TMEM117: variants seen among roughly 807,000 people sequenced by gnomAD.
The protein encoded by TMEM117 is transmembrane protein 117.
A neutral mutation model predicts 52.4 loss-of-function variants in TMEM117; 27 were observed. That is an observed-to-expected ratio of 0.51 (90% CI 0.38 to 0.71). The LOEUF (loss-of-function observed/expected upper bound fraction) is 0.71, where lower values mean the gene tolerates loss of function less well. Ranked by LOEUF, TMEM117 falls within the 30% of genes least tolerant of loss-of-function variation. The probability of loss-of-function intolerance (pLI) is 0.00; values close to 1 mark genes in which losing one functional copy is unlikely to be tolerated. For synonymous variants in TMEM117, 215 were observed against 206.3 expected (o/e 1.04, Z -0.36); for missense variants, 556 against 630.5 (o/e 0.88, Z 1.26).
intron 2 of TMEM117, among the ~76,000 whole-genome samples, chr12:43,898,333 G>C (rs1046467728): frequency 1.3e-5 from 2 of 150,204 alleles, no homozygotes; most frequent in Middle Eastern, 3.5e-3. Context: ...TGTCAAGCTG[G>C]ACTTTCAGGA....
At chr12:44,363,828 T>C (rs551978966) in intron 6 of TMEM117, among the ~76,000 whole-genome samples, 2 of 152,168 alleles carry the variant, frequency 1.3e-5, no homozygotes, top group Non-Finnish European at 2.9e-5. Context: ...GAGTGAATTT[T>C]TCATTTGAAG....
At chr12:44,359,264 T>C (rs1360467112) in intron 6 of TMEM117, among the ~76,000 whole-genome samples, 1 of 147,384 alleles carries the variant, frequency 6.8e-6, no homozygotes, top group African/African-American at 2.4e-5. Flanking sequence ...CTAGAGTGTG[T>C]ATATATATAT....
intron 3 of TMEM117, among the ~76,000 whole-genome samples, chr12:43,987,534 A>G (rs1945868465): frequency 6.6e-6 from 1 of 150,508 alleles, no homozygotes; most frequent in Non-Finnish European, 1.5e-5. Flanking sequence ...TTAACCTCTC[A>G]ATGAAGCTTT....
chr12:44,102,624 T>G (rs186276172), intron 3 of TMEM117, among the ~76,000 whole-genome samples: 21 of 152,110 alleles, frequency 1.4e-4, no homozygotes, highest in African/African-American at 5.1e-4. Context: ...AGCCCTAAAA[T>G]GCAGTACAAA....
intron 5 of TMEM117, among the ~76,000 whole-genome samples, chr12:44,257,927 C>T (rs1208097451): frequency 1.3e-5 from 2 of 151,912 alleles, no homozygotes; most frequent in Non-Finnish European, 2.9e-5. Flanking sequence ...TAAGTCATAA[C>T]TATGTTAATT....
chr12:44,310,841 G>A (rs918691400), intron 6 of TMEM117, among the ~76,000 whole-genome samples: 2 of 152,046 alleles, frequency 1.3e-5, no homozygotes, highest in Non-Finnish European at 2.9e-5. Context: ...AGATTCTTGG[G>A]TCTTCCTCTT....
intron 5 of TMEM117, among the ~76,000 whole-genome samples, chr12:44,286,925 T>C (rs773186978): frequency 7.9e-5 from 12 of 152,200 alleles, no homozygotes; most frequent in Non-Finnish European, 1.5e-4. Context: ...TTACTGTCAA[T>C]AGATGTAAAT....
At chr12:44,322,884 A>C (rs573730518) in intron 6 of TMEM117, among the ~76,000 whole-genome samples, 7 of 152,292 alleles carry the variant, frequency 4.6e-5, no homozygotes, top group Middle Eastern at 3.4e-3. Context: ...GTTAAGTTGC[A>C]TGGCAAAGGG....
At chr12:44,323,356 G>T (rs1714466540) in intron 6 of TMEM117, among the ~76,000 whole-genome samples, 1 of 152,172 alleles carries the variant, frequency 6.6e-6, no homozygotes, top group Admixed American at 6.6e-5. Context: ...CCAACACTGA[G>T]TGTTAACTGA....
chr12:43,866,809 A>G (rs1943608350), intron 2 of TMEM117, among the ~76,000 whole-genome samples: 1 of 152,170 alleles, frequency 6.6e-6, no homozygotes, highest in South Asian at 2.1e-4. Context: ...AAAAATGTTT[A>G]GGTTGGCGCG....
At chr12:44,363,369 A>G (rs927867976) in intron 6 of TMEM117, among the ~76,000 whole-genome samples, 3 of 152,222 alleles carry the variant, frequency 2.0e-5, no homozygotes, top group Non-Finnish European at 4.4e-5. Context: ...ACAGTGCATC[A>G]ATTACAGTAC....
At chr12:43,986,135 A>T (rs989097252) in intron 3 of TMEM117, among the ~76,000 whole-genome samples, 3 of 152,182 alleles carry the variant, frequency 2.0e-5, no homozygotes, top group African/African-American at 7.2e-5. Context: ...CTATGAAGTT[A>T]TTCTGTTCAG....
intron 2 of TMEM117, among the ~76,000 whole-genome samples, chr12:43,909,103 C>T (rs371882831): frequency 0.034 from 2,081 of 61,400 alleles, 535 homozygotes; most frequent in South Asian, 0.12. Context: ...GGAAGTAAAG[C>T]TCTCCTCAGC....
intron 5 of TMEM117, among the ~76,000 whole-genome samples, chr12:44,212,105 C>G (rs776128642): frequency 6.6e-6 from 1 of 152,176 alleles, no homozygotes; most frequent in African/African-American, 2.4e-5. Context: ...TCCCCCTTAT[C>G]TATGGTTTTG....
intron 2 of TMEM117, among the ~76,000 whole-genome samples, chr12:43,850,900 G>A (rs1943297142): frequency 6.6e-6 from 1 of 152,046 alleles, no homozygotes; most frequent in Non-Finnish European, 1.5e-5. Context: ...ATGATGTTGT[G>A]TGTATGTTGG....
intron 5 of TMEM117, among the ~76,000 whole-genome samples, chr12:44,288,309 G>A (rs1013331673): frequency 6.6e-6 from 1 of 152,128 alleles, no homozygotes; most frequent in African/African-American, 2.4e-5. Flanking sequence ...TGAGCTGTAT[G>A]CATTGATATT....
rs140461272 is a variant in TMEM117, at chr12:44,073,314, C to T, written c.411-70211C>T. ...AAGAGGCAACCAACTGTGGGTCACA[C>T]TTTGCTTCTGCTTTCCTTCCTATTG... On this transcript the variant is annotated intron_variant, in intron 3 of 7. Coordinates refer to ENST00000266534, the MANE Select transcript of TMEM117 (RefSeq NM_032256.3). Among the ~76,000 whole-genome samples, 33 of 152,262 alleles carry T rather than the reference C, an allele frequency of 2.2e-4. No homozygotes were observed. In the East Asian group the frequency reaches 6.4e-3, roughly 29 times the overall value.
intron 5 of TMEM117, among the ~76,000 whole-genome samples, chr12:44,262,235 G>T (rs983810832): frequency 6.6e-6 from 1 of 152,090 alleles, no homozygotes; most frequent in African/African-American, 2.4e-5. Context: ...CACACTATGC[G>T]GTGTGTATGT....
At chr12:44,161,989 A>T (rs1948904715) in intron 4 of TMEM117, among the ~76,000 whole-genome samples, 1 of 152,140 alleles carries the variant, frequency 6.6e-6, no homozygotes, top group Non-Finnish European at 1.5e-5. Flanking sequence ...GCAATCAGAT[A>T]CAGAAAATAA....
Sources: allele counts gnomAD v4.1 joint callset (sites outside exome capture counted in the v4.1 genomes callset), GRCh38; gene constraint gnomAD v4.1.1; transcripts MANE v1.5; gene names NCBI Gene and HGNC (gene_info 2026-07-23, HGNC 2026-07-21).